The following ARNT variants were observed in gnomAD, a reference collection of about 807,000 sequenced individuals.
ARNT encodes the protein class E basic helix-loop-helix protein 2.
ARNT carries 30 observed loss-of-function variants against 105.0 expected under a neutral mutation model. That is an observed-to-expected ratio of 0.29 (90% CI 0.21 to 0.39). The LOEUF (loss-of-function observed/expected upper bound fraction) is 0.39. ARNT is among the 10% of genes least tolerant of loss of function. ARNT has a pLI of 1.00. For synonymous variants in ARNT, 304 were observed against 344.0 expected (o/e 0.88, Z 1.29); for missense variants, 748 against 978.7 (o/e 0.76, Z 3.15).
chr1:150,822,078 A>G (rs1214751598), intron 14 of ARNT, among the ~76,000 whole-genome samples: 1 of 152,104 alleles, frequency 6.6e-6, no homozygotes, highest in East Asian at 1.9e-4. Context: ...TATTTAATAC[A>G]TTCATGTATG....
chr1:150,851,184 C>CGGG, intron 3 of ARNT, among the ~76,000 whole-genome samples: 1 of 148,968 alleles, frequency 6.7e-6, no homozygotes, highest in East Asian at 2.0e-4. Context: ...CCACCCCGTC[C>CGGG]AGGAGAGAGG....
rs755503741 is a variant in ARNT at position 150,816,306 on chromosome 1, C to T, written c.1903G>A (p.Ala635Thr). Residue 635 changes from alanine (A) to threonine (T), a missense_variant, in exon 19 of 22, where the codon GCA becomes ACA. Ala to Thr is a moderately conservative substitution (Grantham distance 58). Coordinates refer to ENST00000358595, the MANE Select transcript of ARNT (RefSeq NM_001668.4). ...ISRHSNPTQGATPTWTPTTRS... is the reference protein window; with the variant it reads ...ISRHSNPTQGTTPTWTPTTRS... Reference sequence around the variant, plus strand: ...GTAGTAGGGGTCCAAGTTGGGGTTGCTCCTTGGGTGGGGTTGGAGTGGCGG... The same window carrying T: ...GTAGTAGGGGTCCAAGTTGGGGTTGTTCCTTGGGTGGGGTTGGAGTGGCGG... 6.2e-6 allele frequency: 10 copies of T among 1,606,800 alleles called. No individual in the cohort carries two copies. Among genetic ancestry groups the T allele is most frequent in the Non-Finnish European group, 8.5e-6 (10 of 1,178,012 alleles).
chr1:150,811,280 C>T lies in ARNT; in HGVS notation c.*741G>A, dbSNP rs950433881. ...TATATTGGCTGGGCATGGATGCAAG[C>T]GCAGCAAAGACGTTTATTTAAATAT... is the stretch of plus-strand genomic sequence containing the variant. On this transcript the variant is annotated 3_prime_UTR_variant, in exon 22 of 22. Transcript: ENST00000358595. The T allele has an allele frequency of 1.3e-5, 3 of 233,546 alleles. No homozygotes were observed. The highest frequency in any genetic ancestry group is 2.2e-5 in the African/African-American group (1 of 45,320). 14.5% of individuals were successfully genotyped at this position (233,546 alleles called of 1,614,324 possible).
In ARNT at chr1:150,814,032, T is replaced by C. The variant is rs777838340; in HGVS notation, c.2113+45A>G. On this transcript the variant is annotated intron_variant, in intron 20 of 21. Coordinates refer to ENST00000358595, the MANE Select transcript of ARNT (RefSeq NM_001668.4). ...CTTTAACTACCAAATCCTTTCTCTT[T>C]AGTGGTGCGATTTTCCTGTTACTCT... The C allele has an allele frequency of 2.5e-6, 4 of 1,604,414 alleles. No homozygotes were observed. In the Admixed American group the frequency reaches 6.7e-5, roughly 27 times the overall value.
intron 5 of ARNT, among the ~76,000 whole-genome samples, chr1:150,841,499 G>C (rs1460062898): frequency 6.6e-6 from 1 of 152,044 alleles, no homozygotes; most frequent in Non-Finnish European, 1.5e-5. Flanking sequence ...TAAGAAGCTC[G>C]AGTTAAACTG....
chr1:150,829,850 C>A, intron 11 of ARNT, 54 bp downstream of exon 11: 1 of 1,566,472 alleles, frequency 6.4e-7, no homozygotes, highest in Non-Finnish European at 8.8e-7. Context: ...GGAATGAGTC[C>A]TGAAGATCTG....
rs1324262483 is a variant in ARNT at position 150,829,121 on chromosome 1, C to A, written c.1139G>T (p.Cys380Phe). 1 of 1,614,152 alleles carries A rather than the reference C, an allele frequency of 6.2e-7. No homozygotes were observed. Among genetic ancestry groups the A allele is most frequent in the African/African-American group, 1.3e-5 (1 of 75,054 alleles). The change falls in exon 12 of 22, where the codon TGT (cysteine) becomes TTT (phenylalanine). Residue 380 changes from cysteine (C) to phenylalanine (F), a missense_variant. By Grantham distance (205) the Cys-to-Phe change is radical. Transcript: ENST00000358595. Reference protein sequence around the residue: ...EGIFTFVDHRCVATVGYQPQE... With the variant: ...EGIFTFVDHRFVATVGYQPQE... Reference sequence around the variant, plus strand: ...TGGCTGGTAGCCAACAGTAGCCACACAGCGGTGATCCACAAAAGTGAAGAT... The same window carrying A: ...TGGCTGGTAGCCAACAGTAGCCACAAAGCGGTGATCCACAAAAGTGAAGAT...
In ARNT at chr1:150,830,038, A is replaced by G. The variant is rs587634911; in HGVS notation, c.956-58T>C. ...GGACCTCCAACTCAAATGCCTTCAA[A>G]ACTCAGACAAGTAAAGATTCAAAAT... On this transcript the variant is annotated intron_variant, in intron 10 of 21. Coordinates refer to ENST00000358595, the MANE Select transcript of ARNT (RefSeq NM_001668.4). The G allele has an allele frequency of 7.0e-6, 11 of 1,577,786 alleles. No homozygotes were observed. The South Asian group carries it at 1.2e-4, about 18-fold the overall frequency.
At chr1:150,839,713 G>T in intron 5 of ARNT, 59 bp from the exon 6 acceptor site, 2 of 1,521,214 alleles carry the variant, frequency 1.3e-6, no homozygotes, top group Admixed American at 3.8e-5. Flanking sequence ...TTTGGTAGCA[G>T]GGAGAGTGAT....
At chr1:150,846,442 A>G (rs1437171023) in intron 3 of ARNT, 135 bp from the exon 4 acceptor site, 70 of 795,250 alleles carry the variant, frequency 8.8e-5, no homozygotes, top group Non-Finnish European at 1.4e-4. Flanking sequence ...AGTGATAGAA[A>G]TAACAGCAGC....
rs1571146057 is a variant in ARNT, at chr1:150,811,579, T to C, written c.*442A>G. ...TGCTCAAACTTGCTAAAGCCCCATA[T>C]ATACCTACAATGTTTCATGGTCCTC... is the stretch of plus-strand genomic sequence containing the variant. On this transcript the variant is annotated 3_prime_UTR_variant, in exon 22 of 22. Coordinates refer to ENST00000358595, the MANE Select transcript of ARNT (RefSeq NM_001668.4). 1 of 233,778 alleles carries C rather than the reference T, an allele frequency of 4.3e-6. No individual in the cohort carries two copies. The highest frequency in any genetic ancestry group is 8.5e-6 in the Non-Finnish European group (1 of 118,228). 14.5% of individuals were successfully genotyped at this position (233,778 alleles called of 1,614,324 possible). A position where few individuals can be genotyped will look rare whatever the true frequency, so the allele number is the denominator to read the frequency against.
Position 150,836,266 on chromosome 1 carries a change from C to T in ARNT, c.700+14G>A, listed in dbSNP as rs770843265. The T allele has an allele frequency of 1.2e-6, 2 of 1,612,164 alleles. No homozygotes were observed. The highest frequency in any genetic ancestry group is 1.7e-6 in the Non-Finnish European group (2 of 1,178,426). On this transcript the variant is annotated intron_variant, in intron 7 of 21. Coordinates refer to ENST00000358595, the MANE Select transcript of ARNT (RefSeq NM_001668.4). ...AAGGACTTCTCATTCATTTCCCATA[C>T]ACATAACTCTCACCTGTCAGGGCAT...
intron 21 of ARNT, chr1:150,812,848 CACTCAATT>C (rs1655007505): frequency 4.3e-6 from 1 of 231,586 alleles, no homozygotes; most frequent in Non-Finnish European, 8.4e-6. Context: ...GTATGTATCA[CACTCAATT>C]CATACTCCTT....
intron 1 of ARNT, among the ~76,000 whole-genome samples, chr1:150,865,644 A>G (rs914840034): frequency 1.4e-4 from 22 of 152,216 alleles, no homozygotes; most frequent in African/African-American, 4.6e-4. Flanking sequence ...TCTGGAGAGT[A>G]TAAATCAAAG....
At position 150,817,125 on chromosome 1, in the gene ARNT, A is replaced by G. The variant is rs1298356840; in HGVS notation, c.1656T>C (p.Asp552=). ...LEKSDGLFAQ[D]RDPRFSEIYH... is the part of the protein sequence containing the mutation. ...AGATTTCTGAAAATCTTGGATCTCT[A>G]TCCTGGGCAAATAAACCATCTGACT... The change falls in exon 17 of 22, where the codon GAT becomes GAC. Residue 552 remains aspartate, a synonymous_variant. Transcript: ENST00000358595. 1.9e-6 allele frequency: 3 copies of G among 1,614,196 alleles called. No individual in the cohort carries two copies. The highest frequency in any genetic ancestry group is 2.5e-6 in the Non-Finnish European group (3 of 1,180,030).
intron 6 of ARNT, 72 bp from the exon 7 acceptor site, chr1:150,836,565 G>A (rs1194999642): frequency 6.8e-7 from 1 of 1,463,048 alleles, no homozygotes; most frequent in Non-Finnish European, 9.2e-7. Context: ...ACAGGAAGAA[G>A]TAAGACACTT....
chr1:150,863,969 G>T (rs756069924), intron 1 of ARNT, among the ~76,000 whole-genome samples: 1 of 152,122 alleles, frequency 6.6e-6, no homozygotes, highest in East Asian at 1.9e-4. Flanking sequence ...AACATTGTGT[G>T]AATATCATTG....
At chr1:150,823,411 T>A (rs1657514266) in intron 13 of ARNT, 66 bp from the exon 14 acceptor site, 3 of 1,488,818 alleles carry the variant, frequency 2.0e-6, no homozygotes, top group Non-Finnish European at 2.7e-6. Context: ...TAAATAAAAA[T>A]TTTCCAATTT....
At chr1:150,837,723 T>C (rs1343014296) in intron 6 of ARNT, among the ~76,000 whole-genome samples, 1 of 152,192 alleles carries the variant, frequency 6.6e-6, no homozygotes. Flanking sequence ...TAACCAAGTC[T>C]ATAGCCCTAG....
Sources: allele counts gnomAD v4.1 joint callset (sites outside exome capture counted in the v4.1 genomes callset), GRCh38; gene constraint gnomAD v4.1.1; transcripts MANE v1.5; gene names NCBI Gene and HGNC (gene_info 2026-07-23, HGNC 2026-07-21).